YPEL2: variants seen among roughly 807,000 people sequenced by gnomAD.
YPEL2 encodes protein yippee-like 2.
A neutral mutation model predicts 19.1 loss-of-function variants in YPEL2; 2 were observed. The ratio of observed to expected loss-of-function variants is 0.10; its 90% CI spans 0.04 to 0.33. YPEL2 has a LOEUF of 0.33. YPEL2 is among the 10% of genes least tolerant of loss of function. YPEL2 has a pLI of 1.00. For missense variants in YPEL2, 66 were observed against 140.7 expected, an observed-to-expected ratio of 0.47 and a Z score of 2.68; for synonymous variants, 52 against 50.0, an observed-to-expected ratio of 1.04 and a Z score of -0.17.
chr17:59,375,732 G>A (rs1567751745), intron 2 of YPEL2, among the ~76,000 whole-genome samples: 4 of 152,200 alleles, frequency 2.6e-5, no homozygotes, highest in Non-Finnish European at 5.9e-5. Context: ...TGTTGTCTTT[G>A]TTGAAGGTAA....
intron 2 of YPEL2, among the ~76,000 whole-genome samples, chr17:59,383,882 A>G (rs1598049903): frequency 6.6e-6 from 1 of 151,958 alleles, no homozygotes; most frequent in Non-Finnish European, 1.5e-5. Flanking sequence ...GAGTAGTAGT[A>G]TATGGATATA....
chr17:59,368,570 C>T (rs2047881883), intron 2 of YPEL2, among the ~76,000 whole-genome samples: 2 of 152,124 alleles, frequency 1.3e-5, no homozygotes, highest in African/African-American at 4.8e-5. Context: ...GACAAGAAGA[C>T]GAAGACAAGA....
At chr17:59,389,562 T>C in intron 4 of YPEL2, 94 bp downstream of exon 4, 1 of 946,692 alleles carries the variant, frequency 1.1e-6, no homozygotes, top group Non-Finnish European at 1.6e-6. Context: ...TTCCATGGCC[T>C]TGTGGGATTG....
At position 59,352,174 on chromosome 17, in the gene YPEL2, G is replaced by A. The variant is rs368325745; in HGVS notation, c.-195-1041G>A. 7.2e-5 allele frequency among the ~76,000 whole-genome samples: 11 copies of A among 152,184 alleles called. No individual in the cohort carries two copies. The South Asian group carries it at 1.0e-3, about 14-fold the overall frequency. The stretch of plus-strand genomic sequence containing the variant: ...TTTAATTTTATCTTCAAAGCATGAC[G>A]CAGGTGTTAATTAACACTGCCTGCT... On this transcript the variant is annotated intron_variant, in intron 1 of 4. Coordinates refer to ENST00000312655, the MANE Select transcript of YPEL2 (RefSeq NM_001005404.4).
chr17:59,388,493 C>A, intron 3 of YPEL2, 123 bp downstream of exon 3: 1 of 955,570 alleles, frequency 1.0e-6, no homozygotes, highest in Non-Finnish European at 1.7e-6. Context: ...CTCTGTGGAG[C>A]ATTACTGTCC....
chr17:59,356,930 A>G (rs964316610), intron 2 of YPEL2, among the ~76,000 whole-genome samples: 4 of 152,168 alleles, frequency 2.6e-5, no homozygotes, highest in African/African-American at 9.7e-5. Flanking sequence ...TCCTACTGCC[A>G]TTATCTTTGG....
At chr17:59,387,595 G>A (rs924556030) in intron 2 of YPEL2, among the ~76,000 whole-genome samples, 12 of 152,162 alleles carry the variant, frequency 7.9e-5, no homozygotes, top group African/African-American at 2.7e-4. Context: ...GGAAGCAGAC[G>A]CCAGATTGCA....
intron 2 of YPEL2, chr17:59,362,770 A>G (rs927263923): frequency 6.6e-6 from 1 of 152,166 alleles, no homozygotes; most frequent in Non-Finnish European, 1.5e-5. Flanking sequence ...GGAAGCAAGG[A>G]GTGGGTGCAG....
chr17:59,391,497 T>A, intron 4 of YPEL2, among the ~76,000 whole-genome samples: 1 of 152,170 alleles, frequency 6.6e-6, no homozygotes, highest in Middle Eastern at 3.4e-3. Flanking sequence ...ATTGAAATAG[T>A]TTGAAAATGT....
chr17:59,374,418 C>G (rs1212899061), intron 2 of YPEL2, among the ~76,000 whole-genome samples: 2 of 152,152 alleles, frequency 1.3e-5, no homozygotes, highest in East Asian at 3.8e-4. Flanking sequence ...GATACTGTTT[C>G]ACATAACTCT....
chr17:59,390,355 T>A (rs2048001598), intron 4 of YPEL2, among the ~76,000 whole-genome samples: 1 of 152,180 alleles, frequency 6.6e-6, no homozygotes, highest in Non-Finnish European at 1.5e-5. Context: ...TTGCTCAGGC[T>A]GGCCTCAAAC....
At chr17:59,366,462 A>G (rs2047869680) in intron 2 of YPEL2, among the ~76,000 whole-genome samples, 1 of 152,126 alleles carries the variant, frequency 6.6e-6, no homozygotes. Flanking sequence ...CAGTTTGCCT[A>G]ATTTTCATGA....
chr17:59,388,500 G>A (rs2047992322), intron 3 of YPEL2, 130 bp downstream of exon 3: 1 of 906,658 alleles, frequency 1.1e-6, no homozygotes, highest in Non-Finnish European at 1.8e-6. Context: ...GAGCATTACT[G>A]TCCACAATTG....
chr17:59,363,604 C>T (rs182088291), intron 2 of YPEL2, among the ~76,000 whole-genome samples: 77 of 152,356 alleles, frequency 5.1e-4, no homozygotes, highest in Non-Finnish European at 5.6e-4. Flanking sequence ...TGAGCCGCCG[C>T]ACCCAGCTGA....
rs1310763130 is a variant in YPEL2, at chr17:59,400,759, T to TAA, written c.*3573_*3574dup. On this transcript the variant is annotated 3_prime_UTR_variant, in exon 5 of 5. Coordinates refer to ENST00000312655, the MANE Select transcript of YPEL2 (RefSeq NM_001005404.4). ...TTGTGCGTGTGCGCGCACACGTGTG[T>TAA]AAAAAGCACTTTCGATTGTGCCTCC... 5 of 152,622 alleles carry TAA rather than the reference T, an allele frequency of 3.3e-5. No homozygotes were observed. Among genetic ancestry groups the TAA allele is most frequent in the Admixed American group, 1.3e-4 (2 of 15,282 alleles). The allele number at this position is 152,622 out of a possible 1,614,324, so 9.5% of individuals were successfully genotyped here.
Position 59,336,645 on chromosome 17 carries a change from G to A in YPEL2, c.-196+4821G>A, listed in dbSNP as rs192489326. Among the ~76,000 whole-genome samples the A allele has an allele frequency of 2.0e-3, 298 of 152,284 alleles. 1 individual carries two copies. The highest frequency in any genetic ancestry group is 6.7e-3 in the African/African-American group (280 of 41,564). ...CAGGGGAAACCAGGTACAGAGCCTGGCACCTAAGCACTCAGTGCTAGCTAT... is the reference window on the plus strand; with the variant it reads ...CAGGGGAAACCAGGTACAGAGCCTGACACCTAAGCACTCAGTGCTAGCTAT... On this transcript the variant is annotated intron_variant, in intron 1 of 4. Transcript: ENST00000312655.
chr17:59,384,296 G>A (rs977128835), intron 2 of YPEL2, among the ~76,000 whole-genome samples: 6 of 152,144 alleles, frequency 3.9e-5, no homozygotes, highest in Non-Finnish European at 5.9e-5. Flanking sequence ...TTTTGTACAA[G>A]CATATCATTT....
At chr17:59,334,571 AACACACAC>A (rs35386954) in intron 1 of YPEL2, among the ~76,000 whole-genome samples, 5,338 of 145,170 alleles carry the variant, frequency 0.037, 139 homozygotes, top group South Asian at 0.067. Flanking sequence ...TTCAGGCACA[AACACACAC>A]ACACACACAC....
chr17:59,388,491 A>G, intron 3 of YPEL2, 121 bp downstream of exon 3: 1 of 993,970 alleles, frequency 1.0e-6, no homozygotes, highest in Admixed American at 1.7e-5. Flanking sequence ...AACTCTGTGG[A>G]GCATTACTGT....
Sources: gnomAD v4.1 joint callset for allele counts (sites outside exome capture counted in the v4.1 genomes callset) on GRCh38, gnomAD v4.1.1 for gene constraint, MANE v1.5 for transcripts, NCBI Gene and HGNC (gene_info 2026-07-23, HGNC 2026-07-21) for gene names.